MAP1B: variants seen among roughly 807,000 people sequenced by gnomAD.
The protein encoded by MAP1B is microtubule associated protein 1B.
A neutral mutation model predicts 176.1 loss-of-function variants in MAP1B; 12 were observed. The ratio of observed to expected loss-of-function variants is 0.07; its 90% CI spans 0.04 to 0.11. The LOEUF is 0.11. Among genes scored for constraint, MAP1B ranks in the 10% least tolerant of loss-of-function variants. The pLI, the probability that MAP1B is intolerant of heterozygous loss-of-function variation, is 1.00. For missense variants in MAP1B, 2,523 were observed against 2,990.5 expected (o/e 0.84, Z 3.65); for synonymous variants, 1,044 against 1,135.0 (o/e 0.92, Z 1.61).
chr5:72,130,184 G>GA (rs753070848), intron 2 of MAP1B, among the ~76,000 whole-genome samples: 24 of 31,238 alleles, frequency 7.7e-4, no homozygotes, highest in South Asian at 7.0e-3. Context: ...AAGAAAAGTG[G>GA]AAAAAAAAAA....
intron 1 of MAP1B, 40 bp downstream of exon 1, chr5:72,107,755 C>T: frequency 6.3e-7 from 1 of 1,591,108 alleles, no homozygotes. Context: ...CGCTGGGAGA[C>T]GCGCAAACAC....
intron 2 of MAP1B, among the ~76,000 whole-genome samples, chr5:72,158,165 C>T (rs541784710): frequency 3.3e-5 from 5 of 151,726 alleles, no homozygotes; most frequent in South Asian, 2.1e-4. Flanking sequence ...CCTGCCACCT[C>T]GCCCGGCTAA....
At chr5:72,178,841 A>C (rs1480280419) in intron 2 of MAP1B, among the ~76,000 whole-genome samples, 1 of 152,078 alleles carries the variant, frequency 6.6e-6, no homozygotes, top group African/African-American at 2.4e-5. Flanking sequence ...ATAGAAAATA[A>C]TATTTTGCTT....
chr5:72,202,119 G>A (rs1192623965), intron 5 of MAP1B, among the ~76,000 whole-genome samples: 1 of 152,206 alleles, frequency 6.6e-6, no homozygotes, highest in East Asian at 1.9e-4. Flanking sequence ...GATGCTTTTA[G>A]ATGTCTAAAA....
chr5:72,119,486 A>G (rs1160898535), intron 2 of MAP1B, among the ~76,000 whole-genome samples: 2 of 152,212 alleles, frequency 1.3e-5, no homozygotes, highest in East Asian at 1.9e-4. Flanking sequence ...TCTTTTCAAA[A>G]TAGAGCAACA....
intron 2 of MAP1B, among the ~76,000 whole-genome samples, chr5:72,154,378 A>G (rs1007403846): frequency 1.3e-5 from 2 of 152,230 alleles, no homozygotes; most frequent in Non-Finnish European, 2.9e-5. Context: ...GTCCCATTCC[A>G]GTTTACTGTT....
chr5:72,199,605 C>T lies in MAP1B; in HGVS notation c.6250C>T (p.Leu2084Phe). ...SEARQDVDLC[L>F]VSSCEYKHPK... The stretch of plus-strand genomic sequence containing the variant: ...AGCCCGTCAGGATGTCGATTTATGC[C>T]TCGTGTCCTCTTGTGAATACAAGCA... The change falls in exon 5 of 7, where the codon CTC (leucine) becomes TTC (phenylalanine). Residue 2084 changes from leucine (L) to phenylalanine (F), a missense_variant. Leu to Phe is a conservative substitution (Grantham distance 22). Transcript: ENST00000296755. This position sits in a 1 kb window ranked among gnomAD's most constrained non-coding sequence, Gnocchi z 4.2. 1 of 1,614,180 alleles carries T rather than the reference C, an allele frequency of 6.2e-7. No homozygotes were observed. Among genetic ancestry groups the T allele is most frequent in the Non-Finnish European group, 8.5e-7 (1 of 1,180,046 alleles).
intron 2 of MAP1B, among the ~76,000 whole-genome samples, chr5:72,125,461 A>G (rs1745610711): frequency 6.6e-6 from 1 of 152,096 alleles, no homozygotes; most frequent in Non-Finnish European, 1.5e-5. Context: ...TTATCAGCCA[A>G]TCTGTCATTA....
intron 2 of MAP1B, among the ~76,000 whole-genome samples, chr5:72,163,935 T>TTC (rs1561303017): frequency 3.1e-5 from 4 of 128,710 alleles, no homozygotes; most frequent in Non-Finnish European, 6.5e-5. Flanking sequence ...TTTTTCTTTT[T>TTC]TTTTTTTTTT....
At position 72,209,521 on chromosome 5, in the gene MAP1B, A is replaced by G. The variant is rs954963499; in HGVS notation, c.*4282A>G. 6.8e-6 allele frequency: 1 copy of G among 147,288 alleles called. No homozygotes were observed. The highest frequency in any genetic ancestry group is 2.5e-5 in the African/African-American group (1 of 40,436). 9.1% of individuals were successfully genotyped at this position (147,288 alleles called of 1,614,324 possible). On this transcript the variant is annotated 3_prime_UTR_variant, in exon 7 of 7. Coordinates refer to ENST00000296755, the MANE Select transcript of MAP1B (RefSeq NM_005909.5). Reference sequence around the variant, plus strand: ...CCATTGAGGATATTTGATGTAAAGGAAAAAAAAAAACTCAGTTCCACAATA... The same window carrying G: ...CCATTGAGGATATTTGATGTAAAGGGAAAAAAAAAACTCAGTTCCACAATA...
At position 72,194,171 on chromosome 5, in the gene MAP1B, T is replaced by G. The variant is rs779349996; in HGVS notation, c.816T>G (p.Ser272=). The change falls in exon 5 of 7, where the codon TCT becomes TCG. Residue 272 remains serine (S), a synonymous_variant. Coordinates refer to ENST00000296755, the MANE Select transcript of MAP1B (RefSeq NM_005909.5). This position sits in a 1 kb window ranked among gnomAD's most constrained non-coding sequence, Gnocchi z 7.2. ...TTTTTCCAGGAGGGAGGGGCGATTC[T>G]GCCTTGTTTGCAGTGAATGGTTTCA... ...CYIFPGGRGD[S]ALFAVNGFNM... 1.5e-5 allele frequency: 24 copies of G among 1,614,240 alleles called. No homozygotes were observed. The highest frequency in any genetic ancestry group is 2.0e-5 in the Non-Finnish European group (24 of 1,180,040).
At chr5:72,152,238 GT>G (rs1208435494) in intron 2 of MAP1B, among the ~76,000 whole-genome samples, 4 of 152,004 alleles carry the variant, frequency 2.6e-5, no homozygotes, top group Non-Finnish European at 4.4e-5. Flanking sequence ...AAAAGTAGAT[GT>G]TTTTTTCCTC....
intron 2 of MAP1B, among the ~76,000 whole-genome samples, chr5:72,180,167 G>A (rs988719304): frequency 6.6e-6 from 1 of 152,084 alleles, no homozygotes; most frequent in Non-Finnish European, 1.5e-5. Flanking sequence ...AAAGAGGCTG[G>A]GATTTCATTA....
At chr5:72,108,552 C>T (rs1180632765) in intron 1 of MAP1B, among the ~76,000 whole-genome samples, 1 of 152,226 alleles carries the variant, frequency 6.6e-6, no homozygotes, top group Non-Finnish European at 1.5e-5. Flanking sequence ...TCTGCGGAGG[C>T]CGAATAGCGG....
intron 6 of MAP1B, 24 bp downstream of exon 6, chr5:72,203,825 G>GA: frequency 6.3e-7 from 1 of 1,591,530 alleles, no homozygotes; most frequent in Non-Finnish European, 8.6e-7. Flanking sequence ...GACAGTGTCT[G>GA]CACTGCCGAT....
At chr5:72,115,624 T>G in intron 1 of MAP1B, 74 bp from the exon 2 acceptor site, 2 of 846,434 alleles carry the variant, frequency 2.4e-6, no homozygotes, top group Non-Finnish European at 4.1e-6. Flanking sequence ...TGAGAAATAT[T>G]ACAGTGATGT....
In MAP1B at chr5:72,196,538, G is replaced by A. The variant is rs751900732; in HGVS notation, c.3183G>A (p.Gln1061=). 1.4e-5 allele frequency: 23 copies of A among 1,613,660 alleles called. No individual in the cohort carries two copies. In the East Asian group the frequency reaches 4.0e-4, roughly 28 times the overall value. ...CAGAGGCTGGTGGTGCCGAGGAGCA[G>A]TATGGATTCCTCACCACACCAACCA... The part of the protein sequence containing the change: ...KAAEAGGAEE[Q]YGFLTTPTKQ... The change falls in exon 5 of 7, where the codon CAG becomes CAA. Residue 1061 remains glutamine, a synonymous_variant. Transcript: ENST00000296755. This position sits in a 1 kb window ranked among gnomAD's most constrained non-coding sequence, Gnocchi z 5.3.
chr5:72,108,562 G>A (rs914189333), intron 1 of MAP1B, among the ~76,000 whole-genome samples: 1 of 152,226 alleles, frequency 6.6e-6, no homozygotes, highest in African/African-American at 2.4e-5. Flanking sequence ...CCGAATAGCG[G>A]TACGCCGGGG....
At chr5:72,162,834 G>A (rs1746351895) in intron 2 of MAP1B, among the ~76,000 whole-genome samples, 1 of 152,240 alleles carries the variant, frequency 6.6e-6, no homozygotes, top group African/African-American at 2.4e-5. Flanking sequence ...GCTCAGGAGT[G>A]ATTATGCCAC....
Sources: allele counts gnomAD v4.1 joint callset (sites outside exome capture counted in the v4.1 genomes callset), GRCh38; gene constraint gnomAD v4.1.1; non-coding constraint Gnocchi (gnomAD v3.1); transcripts MANE v1.5; gene names NCBI Gene and HGNC (gene_info 2026-07-23, HGNC 2026-07-21).